Variants in DEPDC5 observed in about 807,000 individuals in gnomAD.
DEPDC5 encodes the protein DEP domain containing 5, GATOR1 subcomplex subunit, also known as GATOR1 complex protein DEPDC5.
Under a neutral mutation model 217.3 loss-of-function variants are expected in DEPDC5, and 73 were observed. That is an observed-to-expected ratio of 0.34 (90% CI 0.28 to 0.41). The LOEUF (loss-of-function observed/expected upper bound fraction) is 0.41. DEPDC5 is among the 10% of genes least tolerant of loss of function. DEPDC5 has a pLI of 1.00. For synonymous variants in DEPDC5, 733 were observed against 756.7 expected, an observed-to-expected ratio of 0.97 and a Z score of 0.51; for missense variants, 1,675 against 2,070.1, an observed-to-expected ratio of 0.81 and a Z score of 3.70.
intron 38 of DEPDC5, chr22:31,891,037 G>C: frequency 4.5e-6 from 1 of 221,170 alleles, no homozygotes; most frequent in Non-Finnish European, 9.1e-6. Flanking sequence ...ATTTTATTTT[G>C]GGAATGGTTT....
At chr22:31,789,540 C>A (rs973769575) in intron 10 of DEPDC5, among the ~76,000 whole-genome samples, 2 of 152,064 alleles carry the variant, frequency 1.3e-5, no homozygotes, top group Non-Finnish European at 2.9e-5. Flanking sequence ...TGTTTTGGAT[C>A]CAAATAATGG....
At chr22:31,818,427 C>T (rs769004233) in intron 21 of DEPDC5, among the ~76,000 whole-genome samples, 12 of 152,056 alleles carry the variant, frequency 7.9e-5, no homozygotes, top group Non-Finnish European at 1.3e-4. Flanking sequence ...CCTGGGTTGC[C>T]ACAAAGGGAA....
chr22:31,816,694 T>C (rs1435332303), intron 21 of DEPDC5: 3 of 152,380 alleles, frequency 2.0e-5, no homozygotes, highest in Non-Finnish European at 4.4e-5. Context: ...CCTCCCAAAG[T>C]GCTGGGATTA....
intron 10 of DEPDC5, among the ~76,000 whole-genome samples, chr22:31,789,627 ATTAT>A (rs1283875881): frequency 6.6e-6 from 1 of 152,246 alleles, no homozygotes; most frequent in Non-Finnish European, 1.5e-5. Flanking sequence ...CAATTAAAAA[ATTAT>A]TTCATTCGAT....
chr22:31,821,855 G>C lies in DEPDC5; in HGVS notation c.2006+218G>C, dbSNP rs116252591. ...TTGCCTGAGATGTTACCTAGGCCCT[G>C]TTTTAGGTTTATTTTGAATCCAGAA... On this transcript the variant is annotated intron_variant, in intron 23 of 42. Transcript: ENST00000651528. Among the ~76,000 whole-genome samples the C allele has an allele frequency of 9.2e-3, 1,407 of 152,310 alleles. 25 individuals carry two copies. The highest frequency in any genetic ancestry group is 0.031 in the African/African-American group (1,273 of 41,558).
rs2148128121 is a variant in DEPDC5 at position 31,766,600 on chromosome 22, C to T, written c.295C>T (p.Leu99=). 6.2e-7 allele frequency: 1 copy of T among 1,613,796 alleles called. No homozygotes were observed. The highest frequency in any genetic ancestry group is 1.1e-5 in the South Asian group (1 of 91,018). The stretch of plus-strand genomic sequence containing the variant: ...TTCCTTTTAGGATGTGACCCTTGAC[C>T]TAGTGGAATTAACTTTTAAGGATCA... The part of the protein sequence containing the change: ...VVDPKDVTLD[L]VELTFKDQYI... Residue 99 remains leucine, a synonymous_variant, in exon 6 of 43, where the codon CTA becomes TTA. Coordinates refer to ENST00000651528, the MANE Select transcript of DEPDC5 (RefSeq NM_001242896.3).
chr22:31,846,911 G>C lies in DEPDC5; in HGVS notation c.3099G>C (p.Val1033=), dbSNP rs776701394. ...CTCTGGAGTCAACTGCACCCCCAGT[G>C]GGGAAGAAGGGAACCTCAGCTCTCT... The part of the protein sequence containing the change: ...THSLESTAPP[V]GKKGTSALSA... Residue 1033 remains valine, a synonymous_variant, in exon 31 of 43, where the codon GTG becomes GTC. Transcript: ENST00000651528. 1.1e-5 allele frequency: 18 copies of C among 1,614,118 alleles called. No individual in the cohort carries two copies. In the East Asian group the frequency reaches 3.8e-4, roughly 34 times the overall value.
intron 30 of DEPDC5, 106 bp downstream of exon 30, chr22:31,845,343 C>T: frequency 7.2e-7 from 1 of 1,389,164 alleles, no homozygotes. Context: ...TACTCCTCAG[C>T]TGCCCAGTGT....
Position 31,879,592 on chromosome 22 carries a change from C to T in DEPDC5, c.3873C>T (p.Arg1291=), listed in dbSNP as rs764839277. 1.2e-6 allele frequency: 2 copies of T among 1,613,856 alleles called. No individual in the cohort carries two copies. Among genetic ancestry groups the T allele is most frequent in the Non-Finnish European group, 1.7e-6 (2 of 1,180,040 alleles). ...AGVDDFASFQ[R]KWFEVAFVAE... ...TGGACGACTTCGCCAGCTTCCAGCG[C>T]AAGTGGTTTGAGGTGGCCTTTGTGG... Residue 1291 remains arginine, a synonymous_variant, in exon 38 of 43, where the codon CGC becomes CGT. Coordinates refer to ENST00000651528, the MANE Select transcript of DEPDC5 (RefSeq NM_001242896.3).
intron 4 of DEPDC5, among the ~76,000 whole-genome samples, chr22:31,761,660 C>A (rs1190477249): frequency 8.2e-6 from 1 of 121,256 alleles, no homozygotes; most frequent in African/African-American, 3.5e-5. Flanking sequence ...AAGACCCTAT[C>A]TCAAAAAAAA....
intron 11 of DEPDC5, 112 bp downstream of exon 11, chr22:31,792,214 T>C: frequency 2.7e-6 from 2 of 746,156 alleles, no homozygotes; most frequent in Non-Finnish European, 4.6e-6. Flanking sequence ...CCTTCCCATC[T>C]TTTCTGTTAT....
At chr22:31,896,231 T>C (rs1403101619) in intron 39 of DEPDC5, among the ~76,000 whole-genome samples, 1 of 152,228 alleles carries the variant, frequency 6.6e-6, no homozygotes, top group East Asian at 1.9e-4. Context: ...GTAAGTTAAT[T>C]ATTATTTAAG....
At chr22:31,776,040 CA>C (rs753480175) in intron 7 of DEPDC5, among the ~76,000 whole-genome samples, 267 of 46,980 alleles carry the variant, frequency 5.7e-3, no homozygotes, top group South Asian at 0.021. Context: ...GACTACATCT[CA>C]AAAAAAAAAA....
At chr22:31,828,050 T>C (rs2090288429) in intron 24 of DEPDC5, among the ~76,000 whole-genome samples, 1 of 152,208 alleles carries the variant, frequency 6.6e-6, no homozygotes, top group South Asian at 2.1e-4. Flanking sequence ...ATTTCTCCAT[T>C]GTGCCACCTG....
intron 21 of DEPDC5, among the ~76,000 whole-genome samples, chr22:31,818,313 T>C (rs2089357446): frequency 6.6e-6 from 1 of 152,188 alleles, no homozygotes; most frequent in African/African-American, 2.4e-5. Flanking sequence ...TGCTTACTCA[T>C]GTCCCAGCCC....
intron 25 of DEPDC5, among the ~76,000 whole-genome samples, chr22:31,835,347 G>A (rs570573517): frequency 6.6e-6 from 1 of 152,292 alleles, no homozygotes; most frequent in South Asian, 2.1e-4. Context: ...GTTCTGAGGT[G>A]TAGAACTTCC....
chr22:31,850,565 A>G (rs1267414330), intron 31 of DEPDC5, among the ~76,000 whole-genome samples: 1 of 152,234 alleles, frequency 6.6e-6, no homozygotes, highest in African/African-American at 2.4e-5. Context: ...TAGGTTTCAG[A>G]CATCCACTGG....
intron 22 of DEPDC5, among the ~76,000 whole-genome samples, chr22:31,821,202 A>G (rs1461265306): frequency 3.3e-5 from 5 of 152,226 alleles, no homozygotes; most frequent in African/African-American, 1.2e-4. Context: ...CCTCCTGGCA[A>G]GGGGCCATGC....
At chr22:31,892,220 A>T (rs1162122455) in intron 38 of DEPDC5, among the ~76,000 whole-genome samples, 1 of 152,218 alleles carries the variant, frequency 6.6e-6, no homozygotes, top group Admixed American at 6.5e-5. Context: ...TGGCCAAGGC[A>T]TCTTCCCTCC....
Sources: allele counts gnomAD v4.1 joint callset (sites outside exome capture counted in the v4.1 genomes callset), GRCh38; gene constraint gnomAD v4.1.1; transcripts MANE v1.5; gene names NCBI Gene and HGNC (gene_info 2026-07-23, HGNC 2026-07-21).